Variants in DNAH17 observed in about 807,000 individuals in gnomAD.
DNAH17 encodes the protein dynein axonemal heavy chain 17.
A neutral mutation model predicts 485.6 loss-of-function variants in DNAH17; 376 were observed. The observed-to-expected ratio is 0.77, with a 90% CI of 0.71 to 0.84. DNAH17 has a LOEUF of 0.84. DNAH17 is among the 40% of genes least tolerant of loss of function. DNAH17 has a pLI of 0.00. For synonymous variants in DNAH17, 3,031 were observed against 2,405.9 expected (o/e 1.26, Z -7.60); for missense variants, 6,370 against 5,839.3 (o/e 1.09, Z -2.96).
chr17:78,492,696 T>C lies in DNAH17; in HGVS notation c.6478A>G (p.Lys2160Glu). The C allele has an allele frequency of 4.3e-6, 7 of 1,613,440 alleles. No homozygotes were observed. The highest frequency in any genetic ancestry group is 5.9e-6 in the Non-Finnish European group (7 of 1,179,744). Reference protein sequence around the residue: ...RKPVAVDLDPKAVTCDELFGI... With the variant: ...RKPVAVDLDPEAVTCDELFGI... The stretch of plus-strand genomic sequence containing the variant: ...AAGAGCTCGTCGCAGGTGACGGCCT[T>C]GGGGTCCAGGTCCACGGCGACCGGC... The change falls in exon 42 of 81, where the codon AAG (lysine) becomes GAG (glutamate). Residue 2160 changes from lysine to glutamate, a missense_variant. Coordinates refer to ENST00000389840, the MANE Select transcript of DNAH17 (RefSeq NM_173628.4).
chr17:78,487,284 C>T (rs1022346087), intron 44 of DNAH17, among the ~76,000 whole-genome samples: 1 of 152,180 alleles, frequency 6.6e-6, no homozygotes, highest in Non-Finnish European at 1.5e-5. Flanking sequence ...GTGATGTTTC[C>T]ATGACCCTCA....
chr17:78,495,222 C>G, intron 38 of DNAH17, 125 bp from the exon 39 acceptor site: 1 of 1,280,334 alleles, frequency 7.8e-7, no homozygotes, highest in South Asian at 1.6e-5. Context: ...GAGTGTTGAA[C>G]CTTCGGTCCT....
intron 58 of DNAH17, 90 bp from the exon 59 acceptor site, chr17:78,460,347 T>TGTGTGTGCA: frequency 1.0e-6 from 1 of 986,500 alleles, no homozygotes; most frequent in Non-Finnish European, 1.5e-6. Flanking sequence ...TGTGTGTGCA[T>TGTGTGTGCA]GTGTGTGCAT....
At chr17:78,484,751 G>A (rs943310985) in intron 48 of DNAH17, 117 bp downstream of exon 48, 3 of 135,814 alleles carry the variant, frequency 2.2e-5, no homozygotes, top group Non-Finnish European at 3.5e-5. Flanking sequence ...CCCCCCCACC[G>A]CCCCACACCA....
At chr17:78,469,008 G>T (rs2088621985) in intron 54 of DNAH17, 125 bp from the exon 55 acceptor site, 2 of 1,242,646 alleles carry the variant, frequency 1.6e-6, no homozygotes, top group Admixed American at 5.4e-5. Context: ...CTGTCGCCCA[G>T]GCTGGAGTGC....
chr17:78,506,772 A>T lies in DNAH17; in HGVS notation c.4751T>A (p.Val1584Asp). The change falls in exon 30 of 81, where the codon GTC becomes GAC. Residue 1584 changes from valine to aspartate, a missense_variant. Val to Asp is a radical substitution (Grantham distance 152). Transcript: ENST00000389840. ...AATGTCCAGGAGGTCAGCCGAGGAG[A>T]CAAAATAGAACCGGGGGAAAGCCAG... The part of the protein sequence containing the change: ...KRLAFPRFYF[V>D]SSADLLDILS... The T allele has an allele frequency of 6.2e-7, 1 of 1,613,938 alleles. No homozygotes were observed. Among genetic ancestry groups the T allele is most frequent in the South Asian group, 1.1e-5 (1 of 91,076 alleles).
rs537511127 is a variant in DNAH17 at position 78,465,169 on chromosome 17, T to A, written c.8940+1486A>T. Among the ~76,000 whole-genome samples the A allele has an allele frequency of 8.7e-4, 133 of 152,352 alleles. 1 individual carries two copies. The highest frequency in any genetic ancestry group is 3.0e-3 in the African/African-American group (125 of 41,588). On this transcript the variant is annotated intron_variant, in intron 56 of 80. Coordinates refer to ENST00000389840, the MANE Select transcript of DNAH17 (RefSeq NM_173628.4). Reference sequence around the variant, plus strand: ...CCAGTCTCCAGCCCCTAACCGCAAGTGATCCGCCAGCCTCGGCCTCCCGAG... The same window carrying A: ...CCAGTCTCCAGCCCCTAACCGCAAGAGATCCGCCAGCCTCGGCCTCCCGAG...
chr17:78,527,076 G>C (rs1341441258), intron 22 of DNAH17, 80 bp from the exon 23 acceptor site: 12 of 1,252,644 alleles, frequency 9.6e-6, no homozygotes, highest in African/African-American at 1.5e-5. Flanking sequence ...TTAGAGACTG[G>C]TAAGAAGCTG....
chr17:78,439,977 T>A (rs2087005809), intron 72 of DNAH17, among the ~76,000 whole-genome samples: 2 of 151,884 alleles, frequency 1.3e-5, no homozygotes, highest in African/African-American at 4.8e-5. Context: ...GCCTCACTTT[T>A]TTTTGAGACA....
chr17:78,427,625 T>C (rs529554660), intron 77 of DNAH17, among the ~76,000 whole-genome samples: 3 of 152,186 alleles, frequency 2.0e-5, no homozygotes, highest in Non-Finnish European at 4.4e-5. Flanking sequence ...ATTCAGTCTT[T>C]ACCGGGAAGT....
In DNAH17 at chr17:78,510,290, G is replaced by A. The variant is rs987353550; in HGVS notation, c.4236+94C>T. ...GCCAGACTTCCCGTGAGAGCCTTGG[G>A]GCTGCAGGACCCCTCTGGGCGCTCT... On this transcript the variant is annotated intron_variant, in intron 27 of 80. Transcript: ENST00000389840. 1.6e-5 allele frequency: 25 copies of A among 1,555,928 alleles called. No homozygotes were observed. The African/African-American group carries it at 1.9e-4, about 12-fold the overall frequency.
chr17:78,528,208 G>A (rs765094117), intron 22 of DNAH17, among the ~76,000 whole-genome samples: 40 of 152,092 alleles, frequency 2.6e-4, no homozygotes, highest in Non-Finnish European at 2.8e-4. Context: ...CAGTTGCCTC[G>A]TGTGTGGCTT....
chr17:78,508,205 T>C (rs1317516766), intron 27 of DNAH17, among the ~76,000 whole-genome samples: 1 of 152,180 alleles, frequency 6.6e-6, no homozygotes, highest in African/African-American at 2.4e-5. Context: ...GGGCAGCAGA[T>C]GCAGGACTCT....
intron 25 of DNAH17, among the ~76,000 whole-genome samples, chr17:78,523,523 A>T (rs1003114401): frequency 5.6e-5 from 8 of 144,072 alleles, no homozygotes; most frequent in Non-Finnish European, 1.3e-4. Context: ...AAAAAAACTT[A>T]AAAAAAGTCA....
chr17:78,459,143 C>CCGG lies in DNAH17; in HGVS notation c.9716_9718dup (p.Ala3239dup). 1 of 1,613,964 alleles carries CCGG rather than the reference C, an allele frequency of 6.2e-7. No homozygotes were observed. The highest frequency in any genetic ancestry group is 8.5e-7 in the Non-Finnish European group (1 of 1,179,888). On this transcript the variant is annotated inframe_insertion, in exon 61 of 81. Transcript: ENST00000389840. ...GATGTTGATGCACCAGGAGCACAGGCCGGCGGCGGCCGTGGACTTGGAGCG... is the reference window on the plus strand; with the variant it reads ...GATGTTGATGCACCAGGAGCACAGGCCGGCGGCGGCGGCCGTGGACTTGGAGCG...
At position 78,462,816 on chromosome 17, in the gene DNAH17, G is replaced by A. The variant is rs201151775; in HGVS notation, c.9174+28C>T. On this transcript the variant is annotated intron_variant, in intron 57 of 80. Transcript: ENST00000389840. ...GCGAGGCCTCCAGGGAACGGCACAG[G>A]AGCTGGCAGCCAGCCCCCCTCTCCT... 1.8e-3 allele frequency: 2,869 copies of A among 1,611,620 alleles called. 7 individuals are homozygous for A. Among genetic ancestry groups the A allele is most frequent in the Non-Finnish European group, 2.3e-3 (2,712 of 1,178,724 alleles).
In DNAH17 at chr17:78,449,425, C is replaced by T. The variant is rs1222963724; in HGVS notation, c.11200G>A (p.Val3734Ile). 2 of 1,549,986 alleles carry T rather than the reference C, an allele frequency of 1.3e-6. No individual in the cohort carries two copies. The highest frequency in any genetic ancestry group is 3.9e-5 in the Admixed American group (2 of 50,970). The change falls in exon 69 of 81, where the codon GTT becomes ATT. Residue 3734 changes from valine to isoleucine, a missense_variant. Coordinates refer to ENST00000389840, the MANE Select transcript of DNAH17 (RefSeq NM_173628.4). ...ERDKLIFLAQ[V>I]TFQVLSMKKE... ...AGGCTAGACATTACCTGAAACGTAA[C>T]TTGTGCCAGGAAAATGAGTTTGTCC...
Position 78,507,364 on chromosome 17 carries a change from C to G in DNAH17, c.4590G>C (p.Leu1530Phe). The G allele has an allele frequency of 6.2e-7, 1 of 1,614,018 alleles. No individual in the cohort carries two copies. The highest frequency in any genetic ancestry group is 8.5e-7 in the Non-Finnish European group (1 of 1,179,898). ...TGGGTGTTTTCACTGCATCTTCCAT[C>G]AAGGCCTGGGAAGAGAAGGGGATCG... ...FDDINQEFKA[L>F]MEDAVKTPNV... Residue 1530 changes from leucine (L) to phenylalanine (F), a missense_variant, in exon 29 of 81, where the codon TTG (leucine) becomes TTC (phenylalanine). Leu to Phe is a conservative substitution (Grantham distance 22). Coordinates refer to ENST00000389840, the MANE Select transcript of DNAH17 (RefSeq NM_173628.4).
At chr17:78,503,099 A>T (rs2090357284) in intron 31 of DNAH17, 88 bp from the exon 32 acceptor site, 2 of 1,463,050 alleles carry the variant, frequency 1.4e-6, no homozygotes, top group Middle Eastern at 1.8e-4. Flanking sequence ...GTAAAGAAAA[A>T]CATTTCTCAT....
Sources: allele counts gnomAD v4.1 joint callset (sites outside exome capture counted in the v4.1 genomes callset), GRCh38; gene constraint gnomAD v4.1.1; transcripts MANE v1.5; gene names NCBI Gene and HGNC (gene_info 2026-07-23, HGNC 2026-07-21).